Variants in IDE observed in about 807,000 individuals in gnomAD.
IDE encodes insulin degrading enzyme.
Under a neutral mutation model 133.2 loss-of-function variants are expected in IDE, and 58 were observed. The observed-to-expected ratio is 0.44, with a 90% confidence interval of 0.35 to 0.54. The LOEUF (loss-of-function observed/expected upper bound fraction) is 0.54. Ranked by LOEUF, IDE falls within the 20% of genes least tolerant of loss-of-function variation. The pLI is 0.00. For missense variants in IDE, 981 were observed against 1,234.0 expected, an observed-to-expected ratio of 0.79 and a Z score of 3.07; for synonymous variants, 396 against 421.3, an observed-to-expected ratio of 0.94 and a Z score of 0.73.
At chr10:92,536,987 G>A (rs1349762006) in intron 2 of IDE, among the ~76,000 whole-genome samples, 1 of 150,772 alleles carries the variant, frequency 6.6e-6, no homozygotes, top group Non-Finnish European at 1.5e-5. Context: ...GCAGTGAGCC[G>A]AGATTGCGCC....
At chr10:92,484,740 A>T (rs1223932272) in intron 13 of IDE, among the ~76,000 whole-genome samples, 1 of 152,052 alleles carries the variant, frequency 6.6e-6, no homozygotes, top group Non-Finnish European at 1.5e-5. Flanking sequence ...CTCAAAAAAA[A>T]AAAGAAAGAA....
chr10:92,483,667 GA>G (rs1846757933), intron 13 of IDE, among the ~76,000 whole-genome samples: 3 of 152,186 alleles, frequency 2.0e-5, no homozygotes, highest in Non-Finnish European at 4.4e-5. Context: ...GGCAGAGGCA[GA>G]AGTCCCTTGC....
At chr10:92,559,700 A>G (rs1258456560) in intron 1 of IDE, among the ~76,000 whole-genome samples, 2 of 151,810 alleles carry the variant, frequency 1.3e-5, no homozygotes, top group African/African-American at 4.8e-5. Context: ...TGATGGTTGC[A>G]CAACTCTGCA....
At chr10:92,533,164 T>C (rs895903305) in intron 3 of IDE, among the ~76,000 whole-genome samples, 1 of 152,180 alleles carries the variant, frequency 6.6e-6, no homozygotes, top group African/African-American at 2.4e-5. Flanking sequence ...ATGATCCTCT[T>C]ATACAAGTGG....
intron 1 of IDE, among the ~76,000 whole-genome samples, chr10:92,541,924 T>C (rs1393242102): frequency 6.6e-6 from 1 of 152,136 alleles, no homozygotes; most frequent in Non-Finnish European, 1.5e-5. Context: ...ACAAGGAAAC[T>C]GAACCTCAAG....
At chr10:92,561,296 G>A (rs950055678) in intron 1 of IDE, among the ~76,000 whole-genome samples, 9 of 151,918 alleles carry the variant, frequency 5.9e-5, no homozygotes, top group Non-Finnish European at 1.0e-4. Flanking sequence ...TAAGTAAGGC[G>A]AACTCAGCAG....
At chr10:92,480,971 T>A in intron 14 of IDE, 3 of 844,924 alleles carry the variant, frequency 3.6e-6, no homozygotes, top group Non-Finnish European at 4.3e-6. Context: ...AGAATTAAAA[T>A]CAAAGACAAA....
intron 2 of IDE, among the ~76,000 whole-genome samples, chr10:92,536,616 T>G (rs1250775513): frequency 6.6e-6 from 1 of 150,868 alleles, no homozygotes; most frequent in Non-Finnish European, 1.5e-5. Flanking sequence ...GAGAATTGCT[T>G]GAACCCGGGA....
intron 2 of IDE, among the ~76,000 whole-genome samples, chr10:92,536,776 A>G (rs1398460002): frequency 6.6e-6 from 1 of 151,772 alleles, no homozygotes; most frequent in Non-Finnish European, 1.5e-5. Context: ...ACGGTGGCTC[A>G]CGCCTGTAAT....
chr10:92,547,506 T>A (rs1167270803), intron 1 of IDE, among the ~76,000 whole-genome samples: 7 of 152,202 alleles, frequency 4.6e-5, no homozygotes, highest in African/African-American at 1.7e-4. Flanking sequence ...ATGGTTGGGA[T>A]CAGATGTATT....
At chr10:92,493,007 C>A (rs140884551) in intron 11 of IDE, among the ~76,000 whole-genome samples, 2 of 152,304 alleles carry the variant, frequency 1.3e-5, no homozygotes, top group Non-Finnish European at 1.5e-5. Context: ...TCACTAACCA[C>A]TACCAGTTCT....
At chr10:92,514,031 A>G (rs542441508) in intron 5 of IDE, among the ~76,000 whole-genome samples, 102 of 152,312 alleles carry the variant, frequency 6.7e-4, no homozygotes, top group Non-Finnish European at 1.3e-3. Flanking sequence ...CCAATCTCCT[A>G]TTAACATTTA....
At chr10:92,466,742 C>T (rs1305301334) in intron 19 of IDE, among the ~76,000 whole-genome samples, 3 of 151,584 alleles carry the variant, frequency 2.0e-5, no homozygotes, top group Admixed American at 6.6e-5. Context: ...CTCAGCCTCC[C>T]AAGTAGCCGG....
At chr10:92,512,812 T>C (rs1848700014) in intron 5 of IDE, among the ~76,000 whole-genome samples, 1 of 152,174 alleles carries the variant, frequency 6.6e-6, no homozygotes, top group South Asian at 2.1e-4. Context: ...AAACAAAAGC[T>C]AAATTATGGT....
At chr10:92,491,263 CA>C (rs1327481301) in intron 11 of IDE, among the ~76,000 whole-genome samples, 1 of 150,664 alleles carries the variant, frequency 6.6e-6, no homozygotes, top group Non-Finnish European at 1.5e-5. Flanking sequence ...ACCAAAAAGG[CA>C]AAAAAAGTAC....
chr10:92,573,160 C>T (rs1203393238), intron 1 of IDE: 1 of 985,326 alleles, frequency 1.0e-6, no homozygotes, highest in African/African-American at 1.7e-5. Flanking sequence ...CTGAAAACGC[C>T]TAGCGTACGC....
chr10:92,467,537 G>C (rs1272300604), intron 19 of IDE, among the ~76,000 whole-genome samples: 1 of 152,202 alleles, frequency 6.6e-6, no homozygotes, highest in Non-Finnish European at 1.5e-5. Flanking sequence ...GGAGAAATTT[G>C]GGAGGGTACT....
intron 1 of IDE, chr10:92,572,932 C>T (rs1843859223): frequency 1.0e-6 from 1 of 985,202 alleles, no homozygotes; most frequent in Non-Finnish European, 1.2e-6. Context: ...TATCTCAATT[C>T]CCGTGGCATC....
At chr10:92,483,580 G>A (rs900814932) in intron 13 of IDE, among the ~76,000 whole-genome samples, 1 of 152,184 alleles carries the variant, frequency 6.6e-6, no homozygotes, top group African/African-American at 2.4e-5. Context: ...GGAGATGGGG[G>A]TACAGTGAAG....
Sources: gnomAD v4.1 joint callset for allele counts (sites outside exome capture counted in the v4.1 genomes callset) on GRCh38, gnomAD v4.1.1 for gene constraint, MANE v1.5 for transcripts, NCBI Gene and HGNC (gene_info 2026-07-23, HGNC 2026-07-21) for gene names.